The following RASSF8 variants were observed in gnomAD, a reference collection of about 807,000 sequenced individuals.
RASSF8 encodes the protein Ras association domain family member 8.
In RASSF8, 22 loss-of-function variants were observed where a neutral mutation model predicts 48.5. The ratio of observed to expected loss-of-function variants is 0.45; its 90% CI spans 0.32 to 0.65. The LOEUF (loss-of-function observed/expected upper bound fraction) is 0.65. Ranked by LOEUF, RASSF8 falls within the 30% of genes least tolerant of loss-of-function variation. The pLI, the probability that RASSF8 is intolerant of heterozygous loss-of-function variation, is 0.03. For missense variants in RASSF8, 418 were observed against 489.2 expected, an observed-to-expected ratio of 0.85 and a Z score of 1.37; for synonymous variants, 127 against 171.5, an observed-to-expected ratio of 0.74 and a Z score of 2.03.
At chr12:26,039,008 T>C (rs377371934) in intron 2 of RASSF8, among the ~76,000 whole-genome samples, 7 of 152,220 alleles carry the variant, frequency 4.6e-5, no homozygotes, top group African/African-American at 1.7e-4. Flanking sequence ...AAAAAGCTAT[T>C]TTAATTGTTT....
At chr12:25,974,858 G>A (rs985826455) in intron 1 of RASSF8, among the ~76,000 whole-genome samples, 1 of 152,154 alleles carries the variant, frequency 6.6e-6, no homozygotes, top group African/African-American at 2.4e-5. Context: ...GATAATTGAT[G>A]TCGGTGGATT....
In RASSF8 at chr12:25,958,880, T is replaced by G. The variant is rs1238915231; in HGVS notation, c.-471T>G. ...GCGGCTCCCGCGGCGTCTCTGCCGC[T>G]GGCCGAGCGCTCGCGCACCGCGGCA... On this transcript the variant is annotated 5_prime_UTR_variant, in exon 1 of 6. Coordinates refer to ENST00000689635, the MANE Select transcript of RASSF8 (RefSeq NM_001394098.1). The G allele has an allele frequency of 6.8e-6, 1 of 146,582 alleles. No homozygotes were observed. The highest frequency in any genetic ancestry group is 1.5e-5 in the Non-Finnish European group (1 of 65,900). 9.1% of individuals were successfully genotyped at this position (146,582 alleles called of 1,614,324 possible). A position where few individuals can be genotyped will look rare whatever the true frequency, so the allele number is the denominator to read the frequency against.
intron 1 of RASSF8, among the ~76,000 whole-genome samples, chr12:25,981,404 T>C (rs1941741222): frequency 6.6e-6 from 1 of 152,184 alleles, no homozygotes; most frequent in Non-Finnish European, 1.5e-5. Context: ...CATGATCCTC[T>C]GTCTGGCCTG....
Position 26,064,562 on chromosome 12 carries a change from T to A in RASSF8, c.168T>A (p.His56Gln), listed in dbSNP as rs1943821190. Residue 56 changes from histidine (H) to glutamine (Q), a missense_variant, in exon 4 of 6, where the codon CAT becomes CAA. Physicochemically the swap from His to Gln is conservative, Grantham distance 24. Transcript: ENST00000689635. ...ATACTGAAAGACACTTAGCACCTCATGAAAATCCTATCATATCCTTAAACA... is the reference window on the plus strand; with the variant it reads ...ATACTGAAAGACACTTAGCACCTCAAGAAAATCCTATCATATCCTTAAACA... ...WRDTERHLAPHENPIISLNKW... is the reference protein window; with the variant it reads ...WRDTERHLAPQENPIISLNKW... 1 of 1,613,104 alleles carries A rather than the reference T, an allele frequency of 6.2e-7. No homozygotes were observed. Among genetic ancestry groups the A allele is most frequent in the Admixed American group, 1.7e-5 (1 of 59,878 alleles).
intron 3 of RASSF8, among the ~76,000 whole-genome samples, chr12:26,057,674 C>A (rs1336187316): frequency 6.6e-6 from 1 of 152,164 alleles, no homozygotes; most frequent in Non-Finnish European, 1.5e-5. Context: ...AATGGTATTT[C>A]TAGTTCTAGA....
At chr12:25,985,161 C>A (rs1941843221) in intron 1 of RASSF8, among the ~76,000 whole-genome samples, 1 of 152,076 alleles carries the variant, frequency 6.6e-6, no homozygotes, top group South Asian at 2.1e-4. Context: ...TTTTGCCGCA[C>A]CAATCAGAAA....
chr12:26,030,153 A>ACG (rs1942998099), intron 2 of RASSF8, among the ~76,000 whole-genome samples: 1 of 152,086 alleles, frequency 6.6e-6, no homozygotes, highest in African/African-American at 2.4e-5. Flanking sequence ...TTTCTAGTAT[A>ACG]TAATTGATAA....
chr12:26,051,692 C>A (rs1282938840), intron 2 of RASSF8, among the ~76,000 whole-genome samples: 2 of 152,116 alleles, frequency 1.3e-5, no homozygotes, highest in African/African-American at 4.8e-5. Flanking sequence ...TGAGAGAAGT[C>A]TCTATTTCAA....
At chr12:26,003,068 A>G (rs1460191973) in intron 2 of RASSF8, among the ~76,000 whole-genome samples, 2 of 152,192 alleles carry the variant, frequency 1.3e-5, no homozygotes, top group Admixed American at 6.5e-5. Flanking sequence ...CATTCAGCTA[A>G]TTAATTTCCC....
intron 1 of RASSF8, among the ~76,000 whole-genome samples, chr12:25,979,383 G>T (rs1941684812): frequency 6.6e-6 from 1 of 152,044 alleles, no homozygotes; most frequent in Non-Finnish European, 1.5e-5. Flanking sequence ...AGCTGAGATG[G>T]AAATCGTGTA....
intron 2 of RASSF8, among the ~76,000 whole-genome samples, chr12:26,021,104 TC>T (rs779100904): frequency 7.9e-5 from 12 of 152,012 alleles, no homozygotes; most frequent in Admixed American, 2.0e-4. Flanking sequence ...AAACTGGAGC[TC>T]CCCTTTGAAA....
chr12:25,992,865 A>G (rs1229259991), intron 1 of RASSF8, among the ~76,000 whole-genome samples: 1 of 152,196 alleles, frequency 6.6e-6, no homozygotes, highest in Non-Finnish European at 1.5e-5. Context: ...ATGGTTAGGA[A>G]CATTTTGTCA....
intron 1 of RASSF8, among the ~76,000 whole-genome samples, chr12:25,963,247 T>TA (rs1272514311): frequency 9.1e-5 from 13 of 143,040 alleles, no homozygotes; most frequent in Admixed American, 2.9e-4. Flanking sequence ...GAGTTTTTTT[T>TA]AAAAAAAGTG....
Position 26,003,837 on chromosome 12 carries a change from A to T in RASSF8, c.-109+8707A>T, listed in dbSNP as rs188804421. Reference sequence around the variant, plus strand: ...ATGATTTCATTATATGCCTTTAAAAATACATATATGTATTTATAGTAAAAA... The same window carrying T: ...ATGATTTCATTATATGCCTTTAAAATTACATATATGTATTTATAGTAAAAA... On this transcript the variant is annotated intron_variant, in intron 2 of 5. Coordinates refer to ENST00000689635, the MANE Select transcript of RASSF8 (RefSeq NM_001394098.1). Among the ~76,000 whole-genome samples the T allele has an allele frequency of 3.1e-4, 47 of 152,308 alleles. No homozygotes were observed. In the East Asian group the frequency reaches 6.2e-3, roughly 20 times the overall value.
intron 2 of RASSF8, among the ~76,000 whole-genome samples, 185 bp downstream of exon 2, chr12:25,995,315 A>G (rs935160416): frequency 2.0e-5 from 3 of 152,204 alleles, no homozygotes; most frequent in Non-Finnish European, 4.4e-5. Flanking sequence ...AGGTGGTGAT[A>G]GTATCTGTTA....
intron 3 of RASSF8, 47 bp downstream of exon 3, chr12:26,055,493 T>C: frequency 6.9e-7 from 1 of 1,445,838 alleles, no homozygotes. Flanking sequence ...TGTGCTTTCT[T>C]TCGTTGTATG....
chr12:26,038,772 AT>A (rs1242859336), intron 2 of RASSF8, among the ~76,000 whole-genome samples: 2 of 152,074 alleles, frequency 1.3e-5, no homozygotes, highest in Non-Finnish European at 2.9e-5. Context: ...GTTTTATTTA[AT>A]TTGACTTTAG....
intron 2 of RASSF8, among the ~76,000 whole-genome samples, chr12:26,031,979 T>TAC (rs1943039504): frequency 6.6e-6 from 1 of 152,216 alleles, no homozygotes; most frequent in Non-Finnish European, 1.5e-5. Flanking sequence ...GGTTTACATT[T>TAC]ATGTGCATGA....
intron 1 of RASSF8, among the ~76,000 whole-genome samples, chr12:25,968,919 A>G (rs1185994779): frequency 1.3e-5 from 2 of 152,228 alleles, no homozygotes; most frequent in Non-Finnish European, 2.9e-5. Context: ...TTGCTAATGT[A>G]AGCACATTTG....
Sources: gnomAD v4.1 joint callset for allele counts (sites outside exome capture counted in the v4.1 genomes callset) on GRCh38, gnomAD v4.1.1 for gene constraint, MANE v1.5 for transcripts, NCBI Gene and HGNC (gene_info 2026-07-23, HGNC 2026-07-21) for gene names.